MRPL54: variants seen among roughly 807,000 people sequenced by gnomAD.
The protein encoded by MRPL54 is large ribosomal subunit protein mL54.
Under a neutral mutation model 15.6 loss-of-function variants are expected in MRPL54, and 12 were observed. The ratio of observed to expected loss-of-function variants is 0.77; its 90% confidence interval spans 0.49 to 1.24. MRPL54 has a LOEUF of 1.24. Among genes scored for constraint, MRPL54 ranks in the 50% most tolerant of loss-of-function variants. The pLI, the probability that MRPL54 is intolerant of heterozygous loss-of-function variation, is 0.00. For missense variants in MRPL54, 178 were observed against 186.8 expected, an observed-to-expected ratio of 0.95 and a Z score of 0.28; for synonymous variants, 91 against 75.7, an observed-to-expected ratio of 1.20 and a Z score of -1.05.
At chr19:3,767,122 G>A in intron 2 of MRPL54, 139 bp from the exon 3 acceptor site, 1 of 1,135,404 alleles carries the variant, frequency 8.8e-7, no homozygotes, top group Non-Finnish European at 1.2e-6. Context: ...CAGGGTCGGG[G>A]AGGGACCACC....
chr19:3,765,606 A>AT (rs531438939), intron 2 of MRPL54, among the ~76,000 whole-genome samples: 2 of 151,998 alleles, frequency 1.3e-5, no homozygotes, highest in South Asian at 2.1e-4. Flanking sequence ...CTTAAAAAAA[A>AT]TTTTTTTTCA....
intron 1 of MRPL54, 44 bp downstream of exon 1, chr19:3,762,862 T>C (rs1406346715): frequency 7.0e-7 from 1 of 1,438,030 alleles, no homozygotes; most frequent in Non-Finnish European, 9.4e-7. Context: ...GTGGGTGCAC[T>C]GAGGAATTGA....
rs750618666 is a variant in MRPL54 at position 3,765,272 on chromosome 19, C to G, written c.225C>G (p.Val75=). The change falls in exon 2 of 3, where the codon GTC becomes GTG. Residue 75 remains valine, a synonymous_variant. Transcript: ENST00000330133. ...AGCTCACCACATATGCCATGGGCGT[C>G]AACATCTACAAGGAAGGGCAGGATG... is the stretch of plus-strand genomic sequence containing the variant. The part of the protein sequence containing the change: ...PVQLTTYAMG[V]NIYKEGQDVP... 28 of 1,613,910 alleles carry G rather than the reference C, an allele frequency of 1.7e-5. No individual in the cohort carries two copies. Among genetic ancestry groups the G allele is most frequent in the Non-Finnish European group, 2.4e-5 (28 of 1,179,970 alleles).
chr19:3,763,498 GGCATGATGGCTCACACCTT>G (rs2037170448), intron 1 of MRPL54, among the ~76,000 whole-genome samples: 1 of 152,130 alleles, frequency 6.6e-6, no homozygotes, highest in Non-Finnish European at 1.5e-5. Flanking sequence ...TTCGAGGCCA[GGCATGATGGCTCACACCTT>G]TATTCCCGGC....
intron 1 of MRPL54, among the ~76,000 whole-genome samples, chr19:3,764,821 G>C (rs1394592009): frequency 6.6e-6 from 1 of 151,894 alleles, no homozygotes; most frequent in Non-Finnish European, 1.5e-5. Context: ...GAGGTCAGGA[G>C]ATCGAGACCA....
rs541977736 is a variant in MRPL54 at position 3,762,748 on chromosome 19, G to A, written c.48G>A (p.Trp16Ter). ...GGGCTACCCGGACGTGGGCCGGCTG[G>A]GGGGCCTGGGAGCTCCTAAACCCCG... is the stretch of plus-strand genomic sequence containing the variant. ...LFGATRTWAG[W>*]GAWELLNPAT... Residue 16 changes from tryptophan to a stop codon, truncating the protein, a stop_gained, in exon 1 of 3, where the codon TGG (tryptophan) becomes TGA (stop). Transcript: ENST00000330133. LOFTEE classifies it high-confidence loss of function. 1.4e-4 allele frequency: 230 copies of A among 1,610,776 alleles called. No homozygotes were observed. The highest frequency in any genetic ancestry group is 1.9e-4 in the Non-Finnish European group (224 of 1,178,748).
In MRPL54 at chr19:3,765,171, A is replaced by G; in HGVS notation, c.124A>G (p.Lys42Glu). ...ARDYAKKPVMKGAKSGKGAVT... is the reference protein window; with the variant it reads ...ARDYAKKPVMEGAKSGKGAVT... ...TCTCCCTCTCGTCTCCCCAGTTATGAAGGGGGCCAAATCGGGAAAAGGTGC... is the reference window on the plus strand; with the variant it reads ...TCTCCCTCTCGTCTCCCCAGTTATGGAGGGGGCCAAATCGGGAAAAGGTGC... Residue 42 changes from lysine (K) to glutamate (E), a missense_variant, in exon 2 of 3, where the codon AAG (lysine) becomes GAG (glutamate). Coordinates refer to ENST00000330133, the MANE Select transcript of MRPL54 (RefSeq NM_172251.3). 1 of 1,610,730 alleles carries G rather than the reference A, an allele frequency of 6.2e-7. No individual in the cohort carries two copies. The highest frequency in any genetic ancestry group is 2.2e-5 in the East Asian group (1 of 44,692).
intron 1 of MRPL54, among the ~76,000 whole-genome samples, 158 bp from the exon 2 acceptor site, chr19:3,765,008 C>A (rs1416282231): frequency 6.7e-6 from 1 of 148,628 alleles, no homozygotes; most frequent in Non-Finnish European, 1.5e-5. Flanking sequence ...ACCTGGGCAA[C>A]AGAGCGAGAC....
Position 3,767,464 on chromosome 19 carries a change from T to C in MRPL54, c.*71T>C, listed in dbSNP as rs551995666. 6.3e-7 allele frequency: 1 copy of C among 1,581,004 alleles called. No homozygotes were observed. Among genetic ancestry groups the C allele is most frequent in the South Asian group, 1.1e-5 (1 of 87,462 alleles). On this transcript the variant is annotated 3_prime_UTR_variant, in exon 3 of 3. Transcript: ENST00000330133. ...TTTTCCCGGAGGACGTGGACTTTTG[T>C]GAGACAAGAGGCGGCTCCCCAGCCT...
chr19:3,766,466 G>A (rs1057391483), intron 2 of MRPL54, among the ~76,000 whole-genome samples: 19 of 152,140 alleles, frequency 1.2e-4, no homozygotes, highest in Non-Finnish European at 5.9e-5. Flanking sequence ...CGCCCACCTC[G>A]GCCTCCCAAA....
In MRPL54 at chr19:3,767,446, G is replaced by A. The variant is rs929772707; in HGVS notation, c.*53G>A. The A allele has an allele frequency of 4.5e-5, 71 of 1,590,358 alleles. No individual in the cohort carries two copies. The highest frequency in any genetic ancestry group is 5.5e-5 in the Non-Finnish European group (64 of 1,173,142). On this transcript the variant is annotated 3_prime_UTR_variant, in exon 3 of 3. Transcript: ENST00000330133. ...CACGCCGAGGGCTTGCCGTTTTCCCGGAGGACGTGGACTTTTGTGAGACAA... is the reference window on the plus strand; with the variant it reads ...CACGCCGAGGGCTTGCCGTTTTCCCAGAGGACGTGGACTTTTGTGAGACAA...
chr19:3,763,954 A>G (rs1309841635), intron 1 of MRPL54, among the ~76,000 whole-genome samples: 1 of 152,020 alleles, frequency 6.6e-6, no homozygotes, highest in Non-Finnish European at 1.5e-5. Flanking sequence ...TAAGCGGGGC[A>G]TGGTGGCTCA....
At chr19:3,764,877 A>C (rs1015098246) in intron 1 of MRPL54, among the ~76,000 whole-genome samples, 7 of 151,842 alleles carry the variant, frequency 4.6e-5, no homozygotes, top group Non-Finnish European at 8.8e-5. Flanking sequence ...AAATACAAAA[A>C]ATTAGCTGGG....
chr19:3,762,772 C>A lies in MRPL54; in HGVS notation c.72C>A (p.Pro24=), dbSNP rs779095896. ...GGGGGGCCTGGGAGCTCCTAAACCC[C>A]GCCACTTCCGGAAGACTCCTGGCCC... is the stretch of plus-strand genomic sequence containing the variant. ...AGWGAWELLN[P]ATSGRLLARD... The change falls in exon 1 of 3, where the codon CCC becomes CCA. Residue 24 remains proline, a synonymous_variant. Coordinates refer to ENST00000330133, the MANE Select transcript of MRPL54 (RefSeq NM_172251.3). 3 of 1,607,412 alleles carry A rather than the reference C, an allele frequency of 1.9e-6. No individual in the cohort carries two copies. The Admixed American group carries it at 5.1e-5, about 27-fold the overall frequency.
intron 1 of MRPL54, among the ~76,000 whole-genome samples, chr19:3,763,525 G>C (rs1318408684): frequency 6.6e-6 from 1 of 151,854 alleles, no homozygotes; most frequent in African/African-American, 2.4e-5. Flanking sequence ...CTTTATTCCC[G>C]GCACTTTGGG....
Position 3,767,264 on chromosome 19 carries a change from G to A in MRPL54, c.288G>A (p.Leu96=). 12 of 1,612,306 alleles carry A rather than the reference G, an allele frequency of 7.4e-6. No homozygotes were observed. Among genetic ancestry groups the A allele is most frequent in the Non-Finnish European group, 1.0e-5 (12 of 1,179,354 alleles). Residue 96 remains leucine (L), a synonymous_variant, in exon 3 of 3, where the codon CTG becomes CTA. Transcript: ENST00000330133. ...TTCCTGCCCGCACCCCCGTCAGGCT[G>A]TTCGAGATGAACTTGGGTCCCCCAA... ...LKPDAEYPEW[L]FEMNLGPPKT...
intron 1 of MRPL54, among the ~76,000 whole-genome samples, chr19:3,763,261 C>G (rs754944515): frequency 6.6e-6 from 1 of 152,200 alleles, no homozygotes; most frequent in Non-Finnish European, 1.5e-5. Flanking sequence ...TTGGCCACTT[C>G]AGCAAGAACA....
chr19:3,767,554 G>T lies in MRPL54; in HGVS notation c.*161G>T, dbSNP rs986608350. 1.3e-5 allele frequency: 13 copies of T among 966,600 alleles called. No individual in the cohort carries two copies. In the Admixed American group the frequency reaches 3.4e-4, roughly 25 times the overall value. 59.9% of individuals were successfully genotyped at this position (966,600 alleles called of 1,614,324 possible). A position where few individuals can be genotyped will look rare whatever the true frequency, so the allele number is the denominator to read the frequency against. On this transcript the variant is annotated 3_prime_UTR_variant, in exon 3 of 3. Transcript: ENST00000330133. ...CCTGGAGGCCAATAAAGAGCTTTCTGGGTAGACCCTATTTCCCCTTGGTAT... is the reference window on the plus strand; with the variant it reads ...CCTGGAGGCCAATAAAGAGCTTTCTTGGTAGACCCTATTTCCCCTTGGTAT...
intron 2 of MRPL54, among the ~76,000 whole-genome samples, chr19:3,766,917 C>T (rs892292901): frequency 5.9e-5 from 9 of 152,134 alleles, no homozygotes; most frequent in Non-Finnish European, 1.3e-4. Context: ...GACCTGTGGG[C>T]TGCAGGAAGG....
Sources: allele counts gnomAD v4.1 joint callset (sites outside exome capture counted in the v4.1 genomes callset), GRCh38; gene constraint gnomAD v4.1.1; transcripts MANE v1.5; gene names NCBI Gene and HGNC (gene_info 2026-07-23, HGNC 2026-07-21).